Variants in EPC2 observed in about 807,000 individuals in gnomAD.
EPC2 encodes the protein enhancer of polycomb homolog 2.
In EPC2, 14 loss-of-function variants were observed where a neutral mutation model predicts 92.1. The observed-to-expected ratio is 0.15, with a 90% CI of 0.10 to 0.24. The LOEUF (loss-of-function observed/expected upper bound fraction) is 0.24. EPC2 is among the 10% of genes least tolerant of loss of function. EPC2 has a pLI of 1.00. For missense variants in EPC2, 755 were observed against 971.5 expected (o/e 0.78, Z 2.96); for synonymous variants, 340 against 334.7 (o/e 1.02, Z -0.17).
chr2:148,719,075 T>G (rs1462306479), intron 2 of EPC2, among the ~76,000 whole-genome samples: 3 of 152,136 alleles, frequency 2.0e-5, no homozygotes, highest in Non-Finnish European at 2.9e-5. Flanking sequence ...CGTGTTGTGT[T>G]TTTTTAACTC....
rs145955285 is a variant in EPC2, at chr2:148,706,962, A to G, written c.313+16589A>G. The stretch of plus-strand genomic sequence containing the variant: ...CAACTAATGGGCAAAATAACTAGCT[A>G]ACATCATAATGACAGGATCAGATTC... On this transcript the variant is annotated intron_variant, in intron 2 of 13. Transcript: ENST00000258484. 3.1e-4 allele frequency among the ~76,000 whole-genome samples: 47 copies of G among 152,344 alleles called. No individual in the cohort carries two copies. The East Asian group carries it at 8.9e-3, about 29-fold the overall frequency.
At position 148,644,964 on chromosome 2, in the gene EPC2, T is replaced by TCCCCGCCCG. The variant is rs1308041254; in HGVS notation, c.-46_-38dup. On this transcript the variant is annotated 5_prime_UTR_variant, in exon 1 of 14. Coordinates refer to ENST00000258484, the MANE Select transcript of EPC2 (RefSeq NM_015630.4). ...GGAGGCGGCGGGAGTCCTCCCCCCC[T>TCCCCGCCCG]CCCCGCCCGCCCCGCCGCCGCCGCC... 16 of 934,464 alleles carry TCCCCGCCCG rather than the reference T, an allele frequency of 1.7e-5. No homozygotes were observed. Among genetic ancestry groups the TCCCCGCCCG allele is most frequent in the East Asian group, 4.8e-5 (1 of 20,760 alleles). 57.9% of individuals were successfully genotyped at this position (934,464 alleles called of 1,614,324 possible). A position where few individuals can be genotyped will look rare whatever the true frequency, so the allele number is the denominator to read the frequency against.
intron 8 of EPC2, 24 bp downstream of exon 8, chr2:148,769,264 G>C (rs1683472200): frequency 6.5e-7 from 1 of 1,544,574 alleles, no homozygotes; most frequent in Non-Finnish European, 8.9e-7. Flanking sequence ...TGTGTGTGTG[G>C]TGTTTTTGTG....
At chr2:148,710,954 G>A (rs919045270) in intron 2 of EPC2, among the ~76,000 whole-genome samples, 1 of 152,028 alleles carries the variant, frequency 6.6e-6, no homozygotes, top group Non-Finnish European at 1.5e-5. Context: ...TCTCCCCCAC[G>A]GATATCCTCC....
At position 148,786,461 on chromosome 2, in the gene EPC2, T is replaced by TC. The variant is rs1196566999; in HGVS notation, c.*85dup. 53 of 1,049,728 alleles carry TC rather than the reference T, an allele frequency of 5.0e-5. No individual in the cohort carries two copies. Among genetic ancestry groups the TC allele is most frequent in the Non-Finnish European group, 6.8e-5 (47 of 690,414 alleles). 65.0% of individuals were successfully genotyped at this position (1,049,728 alleles called of 1,614,324 possible). On this transcript the variant is annotated 3_prime_UTR_variant, in exon 14 of 14. Coordinates refer to ENST00000258484, the MANE Select transcript of EPC2 (RefSeq NM_015630.4). ...AATGCAAAAGGCAACACTCTGTGGA[T>TC]CACAGAGTGTAACAATGGACCTAAA...
chr2:148,683,414 T>C (rs1029892419), intron 1 of EPC2, among the ~76,000 whole-genome samples: 1 of 151,960 alleles, frequency 6.6e-6, no homozygotes, highest in African/African-American at 2.4e-5. Context: ...ACTACAGTCA[T>C]GCACCACCAC....
intron 1 of EPC2, among the ~76,000 whole-genome samples, chr2:148,675,431 T>C (rs1681243778): frequency 6.6e-6 from 1 of 152,222 alleles, no homozygotes; most frequent in South Asian, 2.1e-4. Flanking sequence ...GAGATATAGC[T>C]GAATCTTGTC....
intron 2 of EPC2, chr2:148,692,818 T>A (rs1487380306): frequency 6.6e-6 from 1 of 152,202 alleles, no homozygotes; most frequent in African/African-American, 2.4e-5. Context: ...TCGAATACAA[T>A]AAACATTATT....
chr2:148,758,487 C>G (rs1683235784), intron 4 of EPC2, among the ~76,000 whole-genome samples: 1 of 152,226 alleles, frequency 6.6e-6, no homozygotes, highest in Non-Finnish European at 1.5e-5. Context: ...CCTCTGCCTC[C>G]TGGGTTCAAG....
Position 148,724,392 on chromosome 2 carries a change from A to G in EPC2, c.314-19230A>G, listed in dbSNP as rs191324498. ...AACATTTATCATTTCTTTGTGGGGA[A>G]CATTCAGTTATCCATCAATGCTGTA... On this transcript the variant is annotated intron_variant, in intron 2 of 13. Transcript: ENST00000258484. 4.6e-5 allele frequency among the ~76,000 whole-genome samples: 7 copies of G among 152,244 alleles called. No individual in the cohort carries two copies. In the South Asian group the frequency reaches 1.2e-3, roughly 27 times the overall value.
intron 1 of EPC2, among the ~76,000 whole-genome samples, chr2:148,683,429 G>A (rs1384118350): frequency 7.9e-5 from 12 of 151,830 alleles, no homozygotes; most frequent in African/African-American, 2.9e-4. Flanking sequence ...CACCACTGCC[G>A]GCTAATTTTT....
intron 2 of EPC2, among the ~76,000 whole-genome samples, chr2:148,732,166 G>A (rs1447207533): frequency 6.6e-6 from 1 of 152,106 alleles, no homozygotes; most frequent in Non-Finnish European, 1.5e-5. Flanking sequence ...CTGTGGGAAG[G>A]GGCAAAGAGT....
At chr2:148,678,532 C>G (rs1681322508) in intron 1 of EPC2, among the ~76,000 whole-genome samples, 1 of 152,252 alleles carries the variant, frequency 6.6e-6, no homozygotes, top group Non-Finnish European at 1.5e-5. Context: ...GCTGCAGGTC[C>G]CGAGCCCTGC....
At chr2:148,701,720 G>A (rs1208625393) in intron 2 of EPC2, among the ~76,000 whole-genome samples, 2 of 152,082 alleles carry the variant, frequency 1.3e-5, no homozygotes, top group Non-Finnish European at 2.9e-5. Context: ...TTCTGCTTTA[G>A]GATTGGGGTG....
intron 1 of EPC2, among the ~76,000 whole-genome samples, chr2:148,653,797 T>C (rs1187219303): frequency 1.3e-5 from 2 of 152,064 alleles, no homozygotes; most frequent in African/African-American, 4.8e-5. Context: ...TTGGTGAAGT[T>C]GTTGGAACTT....
At chr2:148,777,534 T>C (rs201620179) in intron 10 of EPC2, among the ~76,000 whole-genome samples, 1 of 102,756 alleles carries the variant, frequency 9.7e-6, no homozygotes, top group African/African-American at 3.1e-5. Context: ...AAAATCTTTG[T>C]TAGTTAACAA....
rs369253741 is a variant in EPC2 at position 148,720,308 on chromosome 2, G to A, written c.314-23314G>A. Among the ~76,000 whole-genome samples, 7 of 152,340 alleles carry A rather than the reference G, an allele frequency of 4.6e-5. No individual in the cohort carries two copies. The East Asian group carries it at 5.8e-4, about 13-fold the overall frequency. On this transcript the variant is annotated intron_variant, in intron 2 of 13. Transcript: ENST00000258484. ...AGGGTCTGCAGGCTGGAACAGCTGTGTTGACCAAACAGCAGAGATGGTGCT... is the reference window on the plus strand; with the variant it reads ...AGGGTCTGCAGGCTGGAACAGCTGTATTGACCAAACAGCAGAGATGGTGCT...
chr2:148,647,212 C>T (rs1244941363), intron 1 of EPC2, among the ~76,000 whole-genome samples: 2 of 152,124 alleles, frequency 1.3e-5, no homozygotes, highest in Admixed American at 6.5e-5. Flanking sequence ...CTTAGTATGC[C>T]ACATATGTTT....
intron 2 of EPC2, among the ~76,000 whole-genome samples, chr2:148,730,222 C>G (rs1445615054): frequency 6.6e-6 from 1 of 152,064 alleles, no homozygotes; most frequent in Admixed American, 6.6e-5. Context: ...CATTCAGGGT[C>G]TTTTAGTACA....
Sources: allele counts gnomAD v4.1 joint callset (sites outside exome capture counted in the v4.1 genomes callset), GRCh38; gene constraint gnomAD v4.1.1; transcripts MANE v1.5; gene names NCBI Gene and HGNC (gene_info 2026-07-23, HGNC 2026-07-21).